Variants in DTNA observed in about 807,000 individuals in gnomAD.
The protein encoded by DTNA is dystrobrevin alpha, also known as dystrophin-related protein 3.
Under a neutral mutation model 100.7 loss-of-function variants are expected in DTNA, and 43 were observed. The observed-to-expected ratio is 0.43, with a 90% CI of 0.33 to 0.55. DTNA has a LOEUF of 0.55. DTNA is among the 20% of genes least tolerant of loss of function. The pLI is 0.04. For missense variants in DTNA, 798 were observed against 953.9 expected, an observed-to-expected ratio of 0.84 and a Z score of 2.15; for synonymous variants, 349 against 347.9, an observed-to-expected ratio of 1.00 and a Z score of -0.04.
chr18:34,515,405 A>G (rs1384767436), intron 1 of DTNA, among the ~76,000 whole-genome samples: 1 of 152,032 alleles, frequency 6.6e-6, no homozygotes, highest in African/African-American at 2.4e-5. Flanking sequence ...TACAATGCAA[A>G]AGGGTGTTAG....
At chr18:34,548,922 C>A (rs1204256024) in intron 1 of DTNA, among the ~76,000 whole-genome samples, 3 of 152,200 alleles carry the variant, frequency 2.0e-5, no homozygotes, top group Admixed American at 2.0e-4. Flanking sequence ...AGTGTTCTAG[C>A]CCACTTAGAT....
chr18:34,793,934 A>T, intron 3 of DTNA, 103 bp from the exon 4 acceptor site: 2 of 1,195,842 alleles, frequency 1.7e-6, no homozygotes, highest in South Asian at 2.6e-5. Context: ...ACAGCTGCAC[A>T]CATGTGAGAT....
chr18:34,837,167 A>G (rs1043313519), intron 11 of DTNA, among the ~76,000 whole-genome samples: 1 of 152,174 alleles, frequency 6.6e-6, no homozygotes, highest in African/African-American at 2.4e-5. Context: ...ATGAAGAAGG[A>G]GAGGGACAAT....
In DTNA at chr18:34,889,617, G is replaced by T; in HGVS notation, c.*1883G>T. The T allele has an allele frequency of 2.0e-6, 2 of 985,570 alleles. No individual in the cohort carries two copies. The highest frequency in any genetic ancestry group is 2.4e-6 in the Non-Finnish European group (2 of 829,942). The allele number at this position is 985,570 out of a possible 1,614,324, so 61.1% of individuals were successfully genotyped here. A position where few individuals can be genotyped will look rare whatever the true frequency, so the allele number is the denominator to read the frequency against. On this transcript the variant is annotated 3_prime_UTR_variant, in exon 23 of 23. Coordinates refer to ENST00000444659, the MANE Select transcript of DTNA (RefSeq NM_001386795.1). ...CCTCTGCAGAGGGCGGCTGTACGAT[G>T]TTCACATGTCTGCGTTTGGTCAGAC...
intron 1 of DTNA, among the ~76,000 whole-genome samples, chr18:34,714,148 T>A (rs2083458730): frequency 6.6e-6 from 1 of 152,106 alleles, no homozygotes; most frequent in African/African-American, 2.4e-5. Context: ...AACCTAGGCA[T>A]TGCCATTCAG....
chr18:34,790,910 G>A (rs373540356), intron 3 of DTNA, among the ~76,000 whole-genome samples: 2 of 152,126 alleles, frequency 1.3e-5, no homozygotes, highest in East Asian at 3.9e-4. Flanking sequence ...CAGTCCATAG[G>A]ACTAGGTCAT....
intron 1 of DTNA, among the ~76,000 whole-genome samples, chr18:34,587,010 T>C (rs1337537775): frequency 6.6e-6 from 1 of 151,870 alleles, no homozygotes; most frequent in African/African-American, 2.4e-5. Context: ...CACCCAGGCC[T>C]GGAGTGCAGT....
intron 1 of DTNA, among the ~76,000 whole-genome samples, chr18:34,659,276 C>A (rs1415178625): frequency 6.6e-6 from 1 of 151,994 alleles, no homozygotes; most frequent in Non-Finnish European, 1.5e-5. Flanking sequence ...TTACTTAGTC[C>A]AATATATCAA....
At chr18:34,533,861 A>G (rs2509591) in intron 1 of DTNA, among the ~76,000 whole-genome samples, 135,569 of 152,152 alleles carry the variant, frequency 0.89, 60,483 homozygotes, top group Middle Eastern at 0.95. Flanking sequence ...AAAAATAAAC[A>G]AGAGCTTTAG....
At chr18:34,866,356 C>T (rs2096704228) in intron 17 of DTNA, 3 of 1,413,254 alleles carry the variant, frequency 2.1e-6, no homozygotes, top group South Asian at 1.5e-5. Context: ...AGAACTATGA[C>T]ATCTTTTAGA....
chr18:34,780,169 G>A (rs11661678), intron 3 of DTNA, among the ~76,000 whole-genome samples: 18,361 of 152,110 alleles, frequency 0.12, 1,134 homozygotes, highest in African/African-American at 0.15. Flanking sequence ...ATGGTGTTGG[G>A]CTAGGACGTC....
intron 18 of DTNA, among the ~76,000 whole-genome samples, chr18:34,876,523 A>G (rs1410059987): frequency 2.0e-5 from 3 of 152,246 alleles, no homozygotes; most frequent in Admixed American, 1.3e-4. Flanking sequence ...TTGCCAATAA[A>G]TATATGAAAA....
At position 34,864,420 on chromosome 18, in the gene DTNA, A is replaced by G. The variant is rs2096670567; in HGVS notation, c.1743+358A>G. Among the ~76,000 whole-genome samples the G allele has an allele frequency of 2.0e-5, 3 of 151,982 alleles. No homozygotes were observed. The South Asian group carries it at 6.2e-4, about 32-fold the overall frequency. The stretch of plus-strand genomic sequence containing the variant: ...AGGCCCCCGCCACCGCGCCCGGCTA[A>G]TGTTTTGTATTTTTAGTAGAGACGG... On this transcript the variant is annotated intron_variant, in intron 17 of 22. Coordinates refer to ENST00000444659, the MANE Select transcript of DTNA (RefSeq NM_001386795.1).
intron 1 of DTNA, among the ~76,000 whole-genome samples, chr18:34,682,697 G>T (rs1356765904): frequency 2.0e-5 from 3 of 151,848 alleles, no homozygotes; most frequent in Non-Finnish European, 4.4e-5. Flanking sequence ...TTTTTTAATT[G>T]GGTTGTTTTC....
At chr18:34,799,693 T>C (rs2095131932) in intron 4 of DTNA, among the ~76,000 whole-genome samples, 1 of 152,216 alleles carries the variant, frequency 6.6e-6, no homozygotes, top group African/African-American at 2.4e-5. Context: ...TGTTCAAAAT[T>C]TCTACATCCT....
intron 9 of DTNA, chr18:34,822,571 G>T (rs2095751209): frequency 6.5e-6 from 1 of 152,834 alleles, no homozygotes; most frequent in Non-Finnish European, 1.5e-5. Context: ...TTCACAGTGA[G>T]TCCCACTGGA....
chr18:34,608,908 A>G (rs2053654369), intron 1 of DTNA, among the ~76,000 whole-genome samples: 2 of 152,200 alleles, frequency 1.3e-5, no homozygotes, highest in Non-Finnish European at 2.9e-5. Context: ...TGGATCTCAG[A>G]CCTAGAGCAC....
chr18:34,512,567 G>A (rs2041197995), intron 1 of DTNA, among the ~76,000 whole-genome samples: 1 of 152,024 alleles, frequency 6.6e-6, no homozygotes, highest in African/African-American at 2.4e-5. Context: ...TCCAGCAGAT[G>A]GATGGCGCAG....
intron 7 of DTNA, 28 bp downstream of exon 7, chr18:34,816,042 A>T: frequency 6.3e-7 from 1 of 1,597,962 alleles, no homozygotes; most frequent in South Asian, 1.1e-5. Context: ...AGCAAAGGTG[A>T]TTTTTTAAAT....
Sources: allele counts gnomAD v4.1 joint callset (sites outside exome capture counted in the v4.1 genomes callset), GRCh38; gene constraint gnomAD v4.1.1; transcripts MANE v1.5; gene names NCBI Gene and HGNC (gene_info 2026-07-23, HGNC 2026-07-21).